The following MOB1A variants were observed in gnomAD, a reference collection of about 807,000 sequenced individuals.
MOB1A encodes the protein MOB1 Mps One Binder homolog A.
Under a neutral mutation model 25.1 loss-of-function variants are expected in MOB1A, and 10 were observed. The observed-to-expected ratio is 0.40, with a 90% confidence interval of 0.25 to 0.68. The LOEUF (loss-of-function observed/expected upper bound fraction) is 0.68. MOB1A is among the 30% of genes least tolerant of loss of function. MOB1A has a pLI of 0.40. For synonymous variants in MOB1A, 81 were observed against 79.5 expected, an observed-to-expected ratio of 1.02 and a Z score of -0.10; for missense variants, 177 against 256.3, an observed-to-expected ratio of 0.69 and a Z score of 2.11.
intron 1 of MOB1A, among the ~76,000 whole-genome samples, chr2:74,177,584 C>T (rs983239125): frequency 6.6e-6 from 1 of 151,914 alleles, no homozygotes. Flanking sequence ...TAAACATATT[C>T]TGAGTAGTGC....
intron 2 of MOB1A, among the ~76,000 whole-genome samples, chr2:74,167,776 C>T (rs1693173525): frequency 1.3e-5 from 2 of 152,116 alleles, no homozygotes; most frequent in Non-Finnish European, 1.5e-5. Context: ...GGACAAAATA[C>T]TTCAGATAAA....
chr2:74,170,053 C>CA (rs1693243154), intron 2 of MOB1A, among the ~76,000 whole-genome samples: 2 of 152,070 alleles, frequency 1.3e-5, no homozygotes, highest in Admixed American at 1.3e-4. Flanking sequence ...AGTTAAGTCT[C>CA]AAAGAAAAAT....
intron 1 of MOB1A, among the ~76,000 whole-genome samples, chr2:74,176,256 A>G (rs1212325854): frequency 3.2e-4 from 44 of 138,696 alleles, no homozygotes; most frequent in Non-Finnish European, 1.7e-4. Context: ...AGCCTAGGCA[A>G]CAGAGTGAGA....
chr2:74,165,778 C>T (rs774618453), intron 3 of MOB1A, among the ~76,000 whole-genome samples: 15 of 151,862 alleles, frequency 9.9e-5, no homozygotes, highest in Non-Finnish European at 2.1e-4. Flanking sequence ...TAGAGATATA[C>T]ATTAGGCATG....
chr2:74,174,883 T>C (rs1693405345), intron 1 of MOB1A, among the ~76,000 whole-genome samples: 2 of 152,326 alleles, frequency 1.3e-5, no homozygotes, highest in South Asian at 4.1e-4. Flanking sequence ...TCAATGAGCA[T>C]GAGAAAAACT....
chr2:74,178,578 C>T (rs1021250154), intron 1 of MOB1A, 83 bp downstream of exon 1: 7 of 1,061,160 alleles, frequency 6.6e-6, no homozygotes, highest in Non-Finnish European at 8.7e-6. Context: ...GGCCCCCAGG[C>T]CGAGCCCTCG....
At position 74,152,868 on chromosome 2, in the gene MOB1A, G is replaced by A. The variant is rs893705939; in HGVS notation, c.*3700C>T. 1.3e-5 allele frequency: 2 copies of A among 152,194 alleles called. No homozygotes were observed. Among genetic ancestry groups the A allele is most frequent in the Non-Finnish European group, 2.9e-5 (2 of 68,038 alleles). The allele number at this position is 152,194 out of a possible 1,614,324, so 9.4% of individuals were successfully genotyped here. ...ATCCATTTGGATCTACAGAATACTT[G>A]TTTGGAACAGAATCTGATAATGAGA... is the stretch of plus-strand genomic sequence containing the variant. On this transcript the variant is annotated 3_prime_UTR_variant, in exon 6 of 6. Transcript: ENST00000396049.
chr2:74,177,029 A>G lies in MOB1A; in HGVS notation c.14+1632T>C, dbSNP rs559578721. 3.9e-5 allele frequency among the ~76,000 whole-genome samples: 6 copies of G among 152,268 alleles called. No homozygotes were observed. The South Asian group carries it at 1.2e-3, about 32-fold the overall frequency. ...AATGGCCAAAAAGCGGGAACAACTC[A>G]AGTGTCCATCAAGAAGGCCAAGTTT... On this transcript the variant is annotated intron_variant, in intron 1 of 5. Transcript: ENST00000396049.
intron 2 of MOB1A, 54 bp downstream of exon 2, chr2:74,172,532 G>A (rs1444237778): frequency 6.5e-7 from 1 of 1,533,406 alleles, no homozygotes; most frequent in East Asian, 2.3e-5. Context: ...CATTAACAAA[G>A]AGATTTTAGC....
chr2:74,161,430 T>C (rs555054553), intron 4 of MOB1A, among the ~76,000 whole-genome samples: 3 of 148,990 alleles, frequency 2.0e-5, no homozygotes, highest in Admixed American at 2.0e-4. Context: ...GATCATGAGG[T>C]CAGGAGATCG....
chr2:74,172,618 C>T lies in MOB1A; in HGVS notation c.149G>A (p.Gly50Glu). 6.2e-7 allele frequency: 1 copy of T among 1,613,838 alleles called. No individual in the cohort carries two copies. Among genetic ancestry groups the T allele is most frequent in the Non-Finnish European group, 8.5e-7 (1 of 1,179,830 alleles). The change falls in exon 2 of 6, where the codon GGA becomes GAA. Residue 50 changes from glycine (G) to glutamate (E), a missense_variant. Transcript: ENST00000396049. ...AGCAATCCATTCATTGAGATCCTCT[C>T]CCTCAGGCAACATAACAGCTTGTCT... ...NLRQAVMLPE[G>E]EDLNEWIAVN...
intron 5 of MOB1A, among the ~76,000 whole-genome samples, chr2:74,158,381 CAG>C (rs1322292521): frequency 1.3e-5 from 2 of 152,130 alleles, no homozygotes; most frequent in Non-Finnish European, 2.9e-5. Context: ...AATATCTAGA[CAG>C]ACATGTATAT....
At chr2:74,163,589 G>T in intron 4 of MOB1A, among the ~76,000 whole-genome samples, 1 of 152,034 alleles carries the variant, frequency 6.6e-6, no homozygotes, top group Admixed American at 6.6e-5. Context: ...AGAGAGCTGT[G>T]ATCACACCCC....
intron 4 of MOB1A, among the ~76,000 whole-genome samples, chr2:74,161,011 A>C (rs562756873): frequency 2.0e-5 from 3 of 151,806 alleles, no homozygotes; most frequent in African/African-American, 4.8e-5. Context: ...GTGAGCCAAG[A>C]TTGCCGCCAC....
At chr2:74,165,568 G>C (rs1459008578) in intron 3 of MOB1A, among the ~76,000 whole-genome samples, 1 of 152,314 alleles carries the variant, frequency 6.6e-6, no homozygotes, top group Non-Finnish European at 1.5e-5. Flanking sequence ...AATGTGGCAG[G>C]AGGCAATGCC....
At chr2:74,162,935 G>A (rs1196540303) in intron 4 of MOB1A, among the ~76,000 whole-genome samples, 1 of 152,194 alleles carries the variant, frequency 6.6e-6, no homozygotes. Flanking sequence ...ATAGGCAACA[G>A]ATACTGGAAA....
intron 4 of MOB1A, among the ~76,000 whole-genome samples, chr2:74,163,839 G>T (rs1693049634): frequency 6.6e-6 from 1 of 152,050 alleles, no homozygotes; most frequent in South Asian, 2.1e-4. Context: ...CTTGTTCTTG[G>T]CTAGGAAGAT....
intron 2 of MOB1A, 66 bp from the exon 3 acceptor site, chr2:74,167,173 AGG>A: frequency 8.3e-7 from 1 of 1,204,698 alleles, no homozygotes; most frequent in Non-Finnish European, 1.2e-6. Flanking sequence ...CTCCAGTTGA[AGG>A]AAAAACAGAC....
At position 74,176,952 on chromosome 2, in the gene MOB1A, AC is replaced by A. The variant is rs137983775; in HGVS notation, c.14+1708del. On this transcript the variant is annotated intron_variant, in intron 1 of 5. Coordinates refer to ENST00000396049, the MANE Select transcript of MOB1A (RefSeq NM_018221.5). Reference sequence around the variant, plus strand: ...AAGTATATACCCAAGAGATATGAACACATACATCCACGCAAAAACCTGTCAC... The same window carrying A: ...AAGTATATACCCAAGAGATATGAACAATACATCCACGCAAAAACCTGTCAC... Among the ~76,000 whole-genome samples the A allele has an allele frequency of 7.3e-4, 111 of 152,230 alleles. 1 individual carries two copies. Among genetic ancestry groups the A allele is most frequent in the African/African-American group, 2.6e-3 (108 of 41,534 alleles).
Sources: allele counts gnomAD v4.1 joint callset (sites outside exome capture counted in the v4.1 genomes callset), GRCh38; gene constraint gnomAD v4.1.1; transcripts MANE v1.5; gene names NCBI Gene and HGNC (gene_info 2026-07-23, HGNC 2026-07-21).